Variants in EZH2 observed in about 807,000 individuals in gnomAD.
EZH2 encodes enhancer of zeste 2 polycomb repressive complex 2 subunit, also known as histone-lysine N-methyltransferase EZH2.
In EZH2, 18 loss-of-function variants were observed where a neutral mutation model predicts 98.4. The observed-to-expected ratio is 0.18, with a 90% CI of 0.13 to 0.27. EZH2 has a LOEUF of 0.27. EZH2 is among the 10% of genes least tolerant of loss of function. The probability of loss-of-function intolerance (pLI) is 1.00; values close to 1 mark genes in which losing one functional copy is unlikely to be tolerated. For missense variants in EZH2, 470 were observed against 935.1 expected (o/e 0.50, Z 6.49); for synonymous variants, 338 against 312.3 (o/e 1.08, Z -0.87).
intron 15 of EZH2, among the ~76,000 whole-genome samples, chr7:148,813,633 T>C (rs1220289827): frequency 6.7e-6 from 1 of 149,944 alleles, no homozygotes; most frequent in Non-Finnish European, 1.5e-5. Flanking sequence ...GGATACTAGA[T>C]AAACTATTAA....
At chr7:148,857,553 G>A (rs1585220964) in intron 1 of EZH2, among the ~76,000 whole-genome samples, 2 of 151,830 alleles carry the variant, frequency 1.3e-5, no homozygotes, top group Non-Finnish European at 2.9e-5. Flanking sequence ...GAGTTCAAGA[G>A]CAGCCTGGCC....
intron 7 of EZH2, among the ~76,000 whole-genome samples, 197 bp downstream of exon 7, chr7:148,826,967 A>G (rs1205290019): frequency 2.0e-5 from 3 of 152,244 alleles, no homozygotes; most frequent in Non-Finnish European, 4.4e-5. Flanking sequence ...TAAATTATAC[A>G]TATGTATTTA....
chr7:148,829,428 A>C (rs948602526), intron 5 of EZH2, among the ~76,000 whole-genome samples: 3 of 152,138 alleles, frequency 2.0e-5, no homozygotes, highest in African/African-American at 7.2e-5. Flanking sequence ...TTTACTACTA[A>C]AGAATCTTAA....
intron 1 of EZH2, among the ~76,000 whole-genome samples, chr7:148,862,466 T>A (rs998831087): frequency 6.6e-6 from 1 of 152,214 alleles, no homozygotes; most frequent in Non-Finnish European, 1.5e-5. Context: ...AAAGCCCAAA[T>A]GTTCTCTCTG....
In EZH2 at chr7:148,864,232, T is replaced by G. The variant is rs10249392; in HGVS notation, c.-7-16927A>C. ...ACTATTGATTTCAAACTGAAGTCCATAGACCAGCATTCTGGTGTTTATCTG... is the reference window on the plus strand; with the variant it reads ...ACTATTGATTTCAAACTGAAGTCCAGAGACCAGCATTCTGGTGTTTATCTG... On this transcript the variant is annotated intron_variant, in intron 1 of 19. Coordinates refer to ENST00000320356, the MANE Select transcript of EZH2 (RefSeq NM_004456.5). Among the ~76,000 whole-genome samples the G allele has an allele frequency of 4.8e-3, 728 of 152,240 alleles. 6 individuals are homozygous for G. Among genetic ancestry groups the G allele is most frequent in the African/African-American group, 0.016 (669 of 41,532 alleles).
At chr7:148,870,530 C>T (rs1819202018) in intron 1 of EZH2, among the ~76,000 whole-genome samples, 1 of 151,802 alleles carries the variant, frequency 6.6e-6, no homozygotes, top group African/African-American at 2.4e-5. Context: ...GGCGAAACCC[C>T]ATCTCTACAA....
At chr7:148,839,530 G>A (rs916858639) in intron 3 of EZH2, among the ~76,000 whole-genome samples, 2 of 150,786 alleles carry the variant, frequency 1.3e-5, no homozygotes, top group Non-Finnish European at 1.5e-5. Context: ...ATCAAAATGG[G>A]GGGGGGGCAA....
In EZH2 at chr7:148,827,264, TATCTAAA is replaced by T. The variant is rs1807981665; in HGVS notation, c.626-5_627del. 1.2e-6 allele frequency: 2 copies of T among 1,611,516 alleles called. No individual in the cohort carries two copies. Among genetic ancestry groups the T allele is most frequent in the Non-Finnish European group, 1.7e-6 (2 of 1,178,460 alleles). On this transcript the variant is annotated splice_acceptor_variant and splice_polypyrimidine_tract_variant and coding_sequence_variant and intron_variant, in exon 7 of 20. Transcript: ENST00000320356. LOFTEE classifies it high-confidence loss of function. The stretch of plus-strand genomic sequence containing the variant: ...AATTTCCGAGGTGGGCGGCTTTCTT[TATCTAAA>T]CAGGAGAATATGAAAGGAAAAAAAG...
At chr7:148,861,984 G>C (rs1476391733) in intron 1 of EZH2, among the ~76,000 whole-genome samples, 1 of 152,126 alleles carries the variant, frequency 6.6e-6, no homozygotes, top group East Asian at 1.9e-4. Context: ...GCTTAGAAAA[G>C]GGAGAGTGTT....
intron 8 of EZH2, among the ~76,000 whole-genome samples, chr7:148,825,146 C>A (rs997235634): frequency 6.6e-6 from 1 of 152,194 alleles, no homozygotes; most frequent in African/African-American, 2.4e-5. Flanking sequence ...CCACTCAATT[C>A]TTTTGCTATA....
chr7:148,814,892 C>T (rs2129470083), intron 14 of EZH2, 22 bp downstream of exon 14: 1 of 1,608,122 alleles, frequency 6.2e-7, no homozygotes, highest in Non-Finnish European at 8.5e-7. Flanking sequence ...CATGCAATTG[C>T]ATCAAAGCAA....
At chr7:148,844,527 G>C (rs1196955910) in intron 3 of EZH2, among the ~76,000 whole-genome samples, 1 of 152,164 alleles carries the variant, frequency 6.6e-6, no homozygotes, top group African/African-American at 2.4e-5. Context: ...ACAAAAACTG[G>C]ATTCCTAAGG....
chr7:148,826,724 A>G, intron 7 of EZH2, 92 bp from the exon 8 acceptor site: 5 of 1,070,390 alleles, frequency 4.7e-6, no homozygotes, highest in Non-Finnish European at 6.3e-6. Context: ...GTTACTTTTG[A>G]TGTTTATCTT....
chr7:148,831,273 T>C (rs79574601), intron 4 of EZH2, among the ~76,000 whole-genome samples: 2,694 of 152,334 alleles, frequency 0.018, 84 homozygotes, highest in African/African-American at 0.062. Flanking sequence ...CAGGTTTTAA[T>C]GTATTCATAT....
intron 8 of EZH2, chr7:148,820,888 A>G (rs1429423961): frequency 6.6e-6 from 1 of 152,218 alleles, no homozygotes; most frequent in Non-Finnish European, 1.5e-5. Context: ...AATAAATCTC[A>G]AAACCTGGAT....
intron 8 of EZH2, among the ~76,000 whole-genome samples, chr7:148,821,470 A>G (rs555977767): frequency 6.6e-6 from 1 of 152,232 alleles, no homozygotes; most frequent in East Asian, 1.9e-4. Flanking sequence ...TTATAAATTT[A>G]ATGGGATTCC....
At chr7:148,837,656 A>T (rs1298540807) in intron 3 of EZH2, among the ~76,000 whole-genome samples, 3 of 152,242 alleles carry the variant, frequency 2.0e-5, no homozygotes, top group African/African-American at 7.2e-5. Context: ...GTGAATTCAT[A>T]ATCAGGTTGA....
intron 1 of EZH2, among the ~76,000 whole-genome samples, chr7:148,861,906 A>G (rs1387424338): frequency 1.3e-5 from 2 of 151,914 alleles, no homozygotes; most frequent in African/African-American, 4.8e-5. Flanking sequence ...CTGTTTCTGC[A>G]TTCAATCTGT....
intron 1 of EZH2, among the ~76,000 whole-genome samples, chr7:148,870,242 T>C (rs1232768418): frequency 6.6e-6 from 1 of 152,230 alleles, no homozygotes; most frequent in Admixed American, 6.5e-5. Flanking sequence ...TTCCCAACCT[T>C]TTCTGATCCA....
Sources: allele counts gnomAD v4.1 joint callset (sites outside exome capture counted in the v4.1 genomes callset), GRCh38; gene constraint gnomAD v4.1.1; transcripts MANE v1.5; gene names NCBI Gene and HGNC (gene_info 2026-07-23, HGNC 2026-07-21).